Variants in IRAG1 observed in about 807,000 individuals in gnomAD.
IRAG1 encodes IP3R-associated cGMP kinase substrate.
Under a neutral mutation model 106.2 loss-of-function variants are expected in IRAG1, and 62 were observed. That is an observed-to-expected ratio of 0.58 (90% CI 0.48 to 0.72). IRAG1 has a LOEUF of 0.72. IRAG1 is among the 30% of genes least tolerant of loss of function. The pLI is 0.00. For missense variants in IRAG1, 1,064 were observed against 1,140.7 expected, an observed-to-expected ratio of 0.93 and a Z score of 0.97; for synonymous variants, 462 against 443.9, an observed-to-expected ratio of 1.04 and a Z score of -0.51.
intron 15 of IRAG1, among the ~76,000 whole-genome samples, chr11:10,599,537 A>G (rs1456504750): frequency 6.6e-6 from 1 of 152,184 alleles, no homozygotes; most frequent in Non-Finnish European, 1.5e-5. Context: ...AGTCTGGAGC[A>G]TGTGTGCATG....
At chr11:10,617,025 A>C (rs1331100215) in intron 10 of IRAG1, 8 of 951,172 alleles carry the variant, frequency 8.4e-6, no homozygotes, top group Non-Finnish European at 1.2e-6. Context: ...CTAGTTGGGG[A>C]TAAACTTTTT....
At chr11:10,578,079 A>T (rs1243900170) in intron 20 of IRAG1, among the ~76,000 whole-genome samples, 1 of 152,198 alleles carries the variant, frequency 6.6e-6, no homozygotes, top group African/African-American at 2.4e-5. Flanking sequence ...CCCCACTCTT[A>T]AGTGTGGCTC....
In IRAG1 at chr11:10,604,467, C is replaced by T; in HGVS notation, c.1681G>A (p.Glu561Lys). 6.2e-7 allele frequency: 1 copy of T among 1,614,044 alleles called. No homozygotes were observed. The highest frequency in any genetic ancestry group is 1.1e-5 in the South Asian group (1 of 91,080). Reference sequence around the variant, plus strand: ...GTGTTCTCCTCTGTCAGGTTGCGTTCCCTTTCAGCCTGGTTAATTCTAGAT... The same window carrying T: ...GTGTTCTCCTCTGTCAGGTTGCGTTTCCTTTCAGCCTGGTTAATTCTAGAT... The part of the protein sequence containing the change: ...LESRINQAER[E>K]RNLTEENTEK... The change falls in exon 13 of 21, where the codon GAA becomes AAA. Residue 561 changes from glutamate to lysine, a missense_variant. Transcript: ENST00000423302.
chr11:10,692,943 C>A (rs1163466461), intron 1 of IRAG1, among the ~76,000 whole-genome samples: 1 of 152,204 alleles, frequency 6.6e-6, no homozygotes, highest in Non-Finnish European at 1.5e-5. Flanking sequence ...CACATACACC[C>A]CCTCTAGGGA....
intron 1 of IRAG1, among the ~76,000 whole-genome samples, chr11:10,678,238 C>T (rs1329518879): frequency 6.6e-6 from 1 of 152,174 alleles, no homozygotes; most frequent in African/African-American, 2.4e-5. Flanking sequence ...TACTGGGAAG[C>T]TGCTTATCCT....
chr11:10,606,644 T>C, intron 12 of IRAG1, 98 bp downstream of exon 12: 1 of 1,231,876 alleles, frequency 8.1e-7, no homozygotes, highest in Non-Finnish European at 1.1e-6. Context: ...CTCATTTTTG[T>C]CTAAAAATGT....
intron 14 of IRAG1, among the ~76,000 whole-genome samples, chr11:10,602,773 A>G (rs1170803505): frequency 6.6e-6 from 1 of 152,202 alleles, no homozygotes; most frequent in Non-Finnish European, 1.5e-5. Context: ...GGAATTCTTC[A>G]GTTAAATACG....
intron 10 of IRAG1, among the ~76,000 whole-genome samples, chr11:10,617,357 AAG>A (rs1271864099): frequency 2.6e-5 from 4 of 152,212 alleles, no homozygotes; most frequent in African/African-American, 9.7e-5. Context: ...GCAAGGGAAA[AAG>A]AGGGAGATTA....
At chr11:10,692,930 G>A (rs1234644534) in intron 1 of IRAG1, among the ~76,000 whole-genome samples, 8 of 152,178 alleles carry the variant, frequency 5.3e-5, no homozygotes, top group Non-Finnish European at 8.8e-5. Flanking sequence ...GGCACGGGCC[G>A]GGCACATACA....
intron 1 of IRAG1, among the ~76,000 whole-genome samples, chr11:10,658,002 A>G (rs547545034): frequency 4.6e-5 from 7 of 152,334 alleles, no homozygotes; most frequent in Admixed American, 3.9e-4. Flanking sequence ...TGCTCATAGT[A>G]AAGGGTAAGC....
intron 18 of IRAG1, among the ~76,000 whole-genome samples, chr11:10,582,773 TG>T (rs1465041116): frequency 2.6e-5 from 4 of 152,114 alleles, no homozygotes; most frequent in Non-Finnish European, 5.9e-5. Flanking sequence ...CTGGCCAACA[TG>T]GTGAAACCCC....
chr11:10,573,230 ACT>A lies in IRAG1; in HGVS notation c.*3100_*3101del, dbSNP rs1213212623. 2 of 152,306 alleles carry A rather than the reference ACT, an allele frequency of 1.3e-5. No homozygotes were observed. Among genetic ancestry groups the A allele is most frequent in the East Asian group, 1.9e-4 (1 of 5,186 alleles). 9.4% of individuals were successfully genotyped at this position (152,306 alleles called of 1,614,324 possible). On this transcript the variant is annotated 3_prime_UTR_variant, in exon 21 of 21. Transcript: ENST00000423302. ...CAAATCCAGCACTTCCTCTCCATTT[ACT>A]CTGTCAGGCTGTATATGGGGAGCAA...
chr11:10,612,940 T>C (rs952212939), intron 10 of IRAG1, among the ~76,000 whole-genome samples: 4 of 152,100 alleles, frequency 2.6e-5, no homozygotes, highest in African/African-American at 9.7e-5. Context: ...AACCAACCAA[T>C]TTATTGGAAA....
intron 2 of IRAG1, among the ~76,000 whole-genome samples, chr11:10,634,756 TGTGTGTG>T (rs2134683172): frequency 1.4e-5 from 1 of 73,510 alleles, no homozygotes; most frequent in South Asian, 3.6e-4. Flanking sequence ...AATATTCTTG[TGTGTGTG>T]TGTGTGTGTG....
intron 18 of IRAG1, among the ~76,000 whole-genome samples, chr11:10,586,459 T>C (rs1852011050): frequency 6.8e-6 from 1 of 147,226 alleles, no homozygotes; most frequent in Non-Finnish European, 1.5e-5. Context: ...GCTCTGTCAC[T>C]CAGGCTGGAG....
In IRAG1 at chr11:10,629,523, A is replaced by G; in HGVS notation, c.574+15T>C. The stretch of plus-strand genomic sequence containing the variant: ...AGGGGCTCAGGGCAGCCACCTGTAC[A>G]TCCTGCCACCCTACCTGATGGGGAG... On this transcript the variant is annotated intron_variant, in intron 5 of 20. Coordinates refer to ENST00000423302, the MANE Select transcript of IRAG1 (RefSeq NM_130385.4). 1 of 1,609,514 alleles carries G rather than the reference A, an allele frequency of 6.2e-7. No individual in the cohort carries two copies. The highest frequency in any genetic ancestry group is 8.5e-7 in the Non-Finnish European group (1 of 1,177,796).
intron 8 of IRAG1, 35 bp from the exon 9 acceptor site, chr11:10,626,618 G>A: frequency 1.3e-6 from 2 of 1,551,976 alleles, no homozygotes; most frequent in Non-Finnish European, 1.7e-6. Context: ...AACCCTCGGG[G>A]GCAGGTTGAG....
chr11:10,596,894 C>T (rs925712946), intron 15 of IRAG1, among the ~76,000 whole-genome samples: 1 of 152,176 alleles, frequency 6.6e-6, no homozygotes, highest in African/African-American at 2.4e-5. Flanking sequence ...TTTGCTTATG[C>T]TACATGCTCA....
chr11:10,621,763 G>A (rs538873096), intron 10 of IRAG1, among the ~76,000 whole-genome samples: 8 of 152,256 alleles, frequency 5.3e-5, no homozygotes, highest in East Asian at 3.9e-4. Context: ...AAATGCTATG[G>A]GAAGTTTATT....
Sources: allele counts gnomAD v4.1 joint callset (sites outside exome capture counted in the v4.1 genomes callset), GRCh38; gene constraint gnomAD v4.1.1; transcripts MANE v1.5; gene names NCBI Gene and HGNC (gene_info 2026-07-23, HGNC 2026-07-21).